CAMTA1: variants seen among roughly 807,000 people sequenced by gnomAD.
The protein encoded by CAMTA1 is calmodulin binding transcription activator 1, also known as calmodulin-binding transcription activator 1.
In CAMTA1, 27 loss-of-function variants were observed where a neutral mutation model predicts 170.9. The ratio of observed to expected loss-of-function variants is 0.16; its 90% CI spans 0.12 to 0.22. CAMTA1 has a LOEUF of 0.22. CAMTA1 is among the 10% of genes least tolerant of loss of function. CAMTA1 has a pLI of 1.00. For synonymous variants in CAMTA1, 833 were observed against 891.5 expected (o/e 0.93, Z 1.17); for missense variants, 1,619 against 2,217.2 (o/e 0.73, Z 5.42).
chr1:7,530,484 C>T (rs1015813682), intron 6 of CAMTA1, among the ~76,000 whole-genome samples: 1 of 152,088 alleles, frequency 6.6e-6, no homozygotes, highest in Admixed American at 6.5e-5. Context: ...CTCCAGGGAG[C>T]CTCACAAATG....
intron 5 of CAMTA1, among the ~76,000 whole-genome samples, chr1:7,365,188 G>C (rs1166451804): frequency 6.6e-6 from 1 of 151,580 alleles, no homozygotes; most frequent in East Asian, 2.0e-4. Context: ...CTGAATTCCA[G>C]CCTCTGTCTG....
intron 5 of CAMTA1, among the ~76,000 whole-genome samples, chr1:7,268,573 A>C (rs1370445564): frequency 1.3e-5 from 2 of 152,170 alleles, no homozygotes; most frequent in African/African-American, 4.8e-5. Context: ...ACATCTTAAT[A>C]ATGGAGCTAA....
In CAMTA1 at chr1:7,738,064, C is replaced by T. The variant is rs746120534; in HGVS notation, c.3764C>T (p.Thr1255Ile). The T allele has an allele frequency of 6.8e-6, 11 of 1,614,046 alleles. No homozygotes were observed. Among genetic ancestry groups the T allele is most frequent in the Non-Finnish European group, 9.3e-6 (11 of 1,180,048 alleles). Residue 1255 changes from threonine (T) to isoleucine (I), a missense_variant, in exon 16 of 23, where the codon ACA (threonine) becomes ATA (isoleucine). Around this residue, in one of 8 missense-constraint regions of CAMTA1, gnomAD observed 370 missense variants for 429.4 expected, o/e 0.86. Coordinates refer to ENST00000303635, the MANE Select transcript of CAMTA1 (RefSeq NM_015215.4). The surrounding 1 kb of genome is among the most constrained non-coding windows in gnomAD (Gnocchi z 4.9). ...KHKLNPEYFQ[T>I]RQEKLLPTAL... ...AAATTGAACCCTGAGTACTTCCAGA[C>T]AAGGCAGGAGAAGCTGCTTCCCACT...
intron 3 of CAMTA1, among the ~76,000 whole-genome samples, chr1:7,035,468 G>A (rs1157815181): frequency 6.6e-6 from 1 of 152,198 alleles, no homozygotes; most frequent in Non-Finnish European, 1.5e-5. Context: ...CAAAGCGTGT[G>A]TGCATGTGTG....
intron 6 of CAMTA1, among the ~76,000 whole-genome samples, chr1:7,533,244 G>A (rs1026725346): frequency 6.0e-4 from 91 of 152,262 alleles, no homozygotes; most frequent in African/African-American, 2.0e-3. Flanking sequence ...CTTCCCTGCC[G>A]GGCTCCACTC....
At chr1:7,757,435 T>G (rs1294425317) in intron 22 of CAMTA1, among the ~76,000 whole-genome samples, 1 of 152,232 alleles carries the variant, frequency 6.6e-6, no homozygotes, top group African/African-American at 2.4e-5. Flanking sequence ...TTAGTTTTTA[T>G]AAGTTCTTCT....
At position 7,412,502 on chromosome 1, in the gene CAMTA1, G is replaced by A. The variant is rs1348091505; in HGVS notation, c.439-55328G>A. Among the ~76,000 whole-genome samples, 3 of 152,224 alleles carry A rather than the reference G, an allele frequency of 2.0e-5. No individual in the cohort carries two copies. The East Asian group carries it at 5.8e-4, about 29-fold the overall frequency. Reference sequence around the variant, plus strand: ...TGTGGTTTTGATTTGCATTTCTCTGGTGGCCAGTGATGGTGAGCATTGTTT... The same window carrying A: ...TGTGGTTTTGATTTGCATTTCTCTGATGGCCAGTGATGGTGAGCATTGTTT... On this transcript the variant is annotated intron_variant, in intron 5 of 22. Transcript: ENST00000303635.
At chr1:7,558,508 A>G (rs1227132976) in intron 6 of CAMTA1, among the ~76,000 whole-genome samples, 1 of 147,976 alleles carries the variant, frequency 6.8e-6, no homozygotes, top group Non-Finnish European at 1.5e-5. Flanking sequence ...TCCAGGGAAA[A>G]GTCTTAAAAT....
chr1:7,451,213 C>G (rs1201078081), intron 5 of CAMTA1, among the ~76,000 whole-genome samples: 1 of 152,238 alleles, frequency 6.6e-6, no homozygotes, highest in Non-Finnish European at 1.5e-5. Context: ...ATGTTCTCAT[C>G]TGCAGATTGC....
chr1:7,523,241 C>T (rs765616166), intron 6 of CAMTA1, among the ~76,000 whole-genome samples: 2 of 152,206 alleles, frequency 1.3e-5, no homozygotes, highest in Non-Finnish European at 2.9e-5. Context: ...CTGTATTAAT[C>T]CTCAGTATCA....
chr1:7,310,680 C>CCTT (rs1676492167), intron 5 of CAMTA1, among the ~76,000 whole-genome samples: 8 of 35,396 alleles, frequency 2.3e-4, no homozygotes, highest in African/African-American at 7.9e-4. Flanking sequence ...TCCTTTCTTT[C>CCTT]TCTCTCTCTC....
intron 5 of CAMTA1, among the ~76,000 whole-genome samples, chr1:7,336,285 G>A (rs56206824): frequency 6.6e-5 from 10 of 152,224 alleles, no homozygotes; most frequent in African/African-American, 9.6e-5. Flanking sequence ...GTTCATCAGC[G>A]CCCAGAGGCC....
At chr1:7,743,868 C>T (rs1332644277) in intron 16 of CAMTA1, among the ~76,000 whole-genome samples, 3 of 151,266 alleles carry the variant, frequency 2.0e-5, no homozygotes, top group Non-Finnish European at 4.4e-5. Context: ...ACTCTGTCGC[C>T]CAGGCTGGAG....
intron 3 of CAMTA1, among the ~76,000 whole-genome samples, chr1:6,961,474 C>A (rs1690397840): frequency 6.6e-6 from 1 of 152,152 alleles, no homozygotes; most frequent in African/African-American, 2.4e-5. Context: ...GCGCTGCCTG[C>A]CGACCACCAT....
chr1:7,480,053 G>A (rs191552768), intron 6 of CAMTA1, among the ~76,000 whole-genome samples: 6,329 of 151,640 alleles, frequency 0.042, 202 homozygotes, highest in East Asian at 0.16. Flanking sequence ...GTGTGAGTCC[G>A]TATGAGTGTG....
At chr1:7,473,025 C>A (rs1225714156) in intron 6 of CAMTA1, among the ~76,000 whole-genome samples, 1 of 152,182 alleles carries the variant, frequency 6.6e-6, no homozygotes, top group East Asian at 1.9e-4. Flanking sequence ...ATCCAGGCTT[C>A]CCCACAAGGC....
intron 6 of CAMTA1, among the ~76,000 whole-genome samples, chr1:7,494,479 G>C (rs1450600376): frequency 6.6e-6 from 1 of 152,112 alleles, no homozygotes; most frequent in Non-Finnish European, 1.5e-5. Flanking sequence ...GCCAAGAGCA[G>C]CTGCTGGGGT....
At chr1:7,218,762 C>T (rs1660200667) in intron 4 of CAMTA1, among the ~76,000 whole-genome samples, 1 of 152,162 alleles carries the variant, frequency 6.6e-6, no homozygotes, top group Non-Finnish European at 1.5e-5. Context: ...CCCATCTTAT[C>T]CTCTTGCTCT....
At chr1:7,274,758 A>G (rs1028303547) in intron 5 of CAMTA1, among the ~76,000 whole-genome samples, 2 of 152,214 alleles carry the variant, frequency 1.3e-5, no homozygotes, top group East Asian at 1.9e-4. Context: ...TTAGGATTCA[A>G]TAGCAGAATA....
Sources: gnomAD v4.1 joint callset for allele counts (sites outside exome capture counted in the v4.1 genomes callset) on GRCh38, gnomAD v4.1.1 for gene constraint, gnomAD v4.1.1 regional missense constraint, Gnocchi (gnomAD v3.1) non-coding constraint, MANE v1.5 for transcripts, NCBI Gene and HGNC (gene_info 2026-07-23, HGNC 2026-07-21) for gene names.